OCA2: variants seen among roughly 807,000 people sequenced by gnomAD.
The protein encoded by OCA2 is P protein.
A neutral mutation model predicts 100.2 loss-of-function variants in OCA2; 77 were observed. That is an observed-to-expected ratio of 0.77 (90% CI 0.64 to 0.93). OCA2 has a LOEUF of 0.93. Among genes scored for constraint, OCA2 ranks in the 40% least tolerant of loss-of-function variants. The pLI is 0.00. For missense variants in OCA2, 1,062 were observed against 1,089.1 expected (o/e 0.98, Z 0.35); for synonymous variants, 432 against 439.2 (o/e 0.98, Z 0.21).
At chr15:27,971,251 A>C (rs954143601) in intron 14 of OCA2, among the ~76,000 whole-genome samples, 7 of 152,174 alleles carry the variant, frequency 4.6e-5, no homozygotes, top group African/African-American at 1.4e-4. Flanking sequence ...AAAGCATCCA[A>C]GTACACAACG....
At chr15:28,023,481 C>T (rs1190861243) in intron 5 of OCA2, among the ~76,000 whole-genome samples, 4 of 152,184 alleles carry the variant, frequency 2.6e-5, no homozygotes, top group African/African-American at 9.6e-5. Context: ...ACACATGCCA[C>T]GCGTGCAGGT....
intron 23 of OCA2, among the ~76,000 whole-genome samples, chr15:27,810,384 G>C (rs966254217): frequency 1.2e-4 from 19 of 152,178 alleles, no homozygotes; most frequent in African/African-American, 4.1e-4. Flanking sequence ...TTAAATCTAA[G>C]ATGTGAAATC....
intron 18 of OCA2, among the ~76,000 whole-genome samples, chr15:27,936,549 T>C (rs1437517790): frequency 6.6e-6 from 1 of 152,202 alleles, no homozygotes; most frequent in Non-Finnish European, 1.5e-5. Flanking sequence ...GAACTGTTTG[T>C]TCATATCTCA....
chr15:27,800,061 ATGCCC>A (rs2033530144), intron 23 of OCA2, among the ~76,000 whole-genome samples: 1 of 152,210 alleles, frequency 6.6e-6, no homozygotes, highest in Admixed American at 6.5e-5. Flanking sequence ...TCCCTGGACA[ATGCCC>A]AAATATTTGG....
intron 18 of OCA2, chr15:27,950,430 T>A: frequency 2.4e-6 from 1 of 417,022 alleles, no homozygotes; most frequent in East Asian, 6.3e-5. Flanking sequence ...CTAGATGTAA[T>A]CCACCAAATA....
chr15:27,925,086 T>C (rs1014016739), intron 19 of OCA2, among the ~76,000 whole-genome samples: 15 of 152,152 alleles, frequency 9.9e-5, no homozygotes, highest in Non-Finnish European at 7.4e-5. Flanking sequence ...TCAAGATACA[T>C]GAAGCAAAAG....
chr15:27,940,727 A>G (rs1488583197), intron 18 of OCA2, among the ~76,000 whole-genome samples: 2 of 152,224 alleles, frequency 1.3e-5, no homozygotes, highest in Non-Finnish European at 1.5e-5. Context: ...TAGGTCAGTC[A>G]TGTTTGCAGT....
At chr15:28,053,318 A>C (rs2043577090) in intron 2 of OCA2, among the ~76,000 whole-genome samples, 1 of 152,146 alleles carries the variant, frequency 6.6e-6, no homozygotes, top group African/African-American at 2.4e-5. Flanking sequence ...CCTGGGAAGG[A>C]AGATGCCTCT....
chr15:28,024,627 G>A (rs997962375), intron 5 of OCA2, among the ~76,000 whole-genome samples: 6 of 152,184 alleles, frequency 3.9e-5, no homozygotes, highest in African/African-American at 1.2e-4. Context: ...GGCTTCTGCC[G>A]TGTGACTGGG....
Position 27,989,677 on chromosome 15 carries a change from A to G in OCA2, c.1117-11T>C, listed in dbSNP as rs777189171. On this transcript the variant is annotated splice_polypyrimidine_tract_variant and intron_variant, in intron 10 of 23. Transcript: ENST00000354638. ...GGTCAGGCTGGGTCTCTGCAATCAA[A>G]GCACAAATTTGCCAATTAATCCGTG... The G allele has an allele frequency of 6.2e-7, 1 of 1,613,980 alleles. No homozygotes were observed. The highest frequency in any genetic ancestry group is 8.5e-7 in the Non-Finnish European group (1 of 1,179,876).
At chr15:27,947,248 G>A (rs2039870987) in intron 18 of OCA2, among the ~76,000 whole-genome samples, 1 of 152,230 alleles carries the variant, frequency 6.6e-6, no homozygotes, top group Admixed American at 6.5e-5. Flanking sequence ...CAAGGGGAAA[G>A]CTCTCCCTTG....
intron 1 of OCA2, among the ~76,000 whole-genome samples, chr15:28,085,942 A>T (rs1446124263): frequency 6.6e-6 from 1 of 152,190 alleles, no homozygotes; most frequent in Non-Finnish European, 1.5e-5. Context: ...CTGCAGCCTA[A>T]TACTGCAGAC....
At chr15:27,917,199 G>GATAATA (rs112448919) in intron 19 of OCA2, among the ~76,000 whole-genome samples, 1 of 151,920 alleles carries the variant, frequency 6.6e-6, no homozygotes, top group African/African-American at 2.4e-5. Context: ...TACTAAAAAT[G>GATAATA]ATAATAATAA....
chr15:28,000,662 C>T (rs1054763353), intron 9 of OCA2, among the ~76,000 whole-genome samples: 1 of 152,196 alleles, frequency 6.6e-6, no homozygotes, highest in Non-Finnish European at 1.5e-5. Context: ...AAACAAACAA[C>T]AAAATGAAAA....
At chr15:27,842,322 T>C (rs573011208) in intron 23 of OCA2, among the ~76,000 whole-genome samples, 2 of 152,346 alleles carry the variant, frequency 1.3e-5, no homozygotes, top group East Asian at 3.9e-4. Context: ...TATTTCTAGG[T>C]AGCAAAATTA....
intron 19 of OCA2, chr15:27,896,066 G>A: frequency 8.4e-7 from 1 of 1,195,472 alleles, no homozygotes; most frequent in Non-Finnish European, 1.2e-6. Flanking sequence ...AAGTGGAGGT[G>A]ACTGGCAAGG....
chr15:27,846,367 T>C (rs2035537242), intron 22 of OCA2, among the ~76,000 whole-genome samples: 1 of 152,114 alleles, frequency 6.6e-6, no homozygotes, highest in Non-Finnish European at 1.5e-5. Context: ...GGCCCTGCCC[T>C]GCTCAGCCCC....
rs1328285157 is a variant in OCA2, at chr15:28,070,702, C to A, written c.227+10946G>T. The stretch of plus-strand genomic sequence containing the variant: ...TGAGAACGGGCCAGGATGACAATGG[C>A]GGCTTTGTGGAATAGAAAGGCGGGA... On this transcript the variant is annotated intron_variant, in intron 2 of 23. Coordinates refer to ENST00000354638, the MANE Select transcript of OCA2 (RefSeq NM_000275.3). Among the ~76,000 whole-genome samples the A allele has an allele frequency of 4.9e-3, 728 of 148,900 alleles. 5 individuals carry two copies. The highest frequency in any genetic ancestry group is 0.017 in the African/African-American group (688 of 39,820).
At chr15:28,017,339 C>G (rs1298624606) in intron 7 of OCA2, among the ~76,000 whole-genome samples, 1 of 152,102 alleles carries the variant, frequency 6.6e-6, no homozygotes. Context: ...CCCAAGAGAG[C>G]AGGGAGGTGC....
Sources: gnomAD v4.1 joint callset for allele counts (sites outside exome capture counted in the v4.1 genomes callset) on GRCh38, gnomAD v4.1.1 for gene constraint, MANE v1.5 for transcripts, NCBI Gene and HGNC (gene_info 2026-07-23, HGNC 2026-07-21) for gene names.